SUSD2: variants seen among roughly 807,000 people sequenced by gnomAD.
SUSD2 encodes sushi domain containing 2.
Under a neutral mutation model 93.8 loss-of-function variants are expected in SUSD2, and 86 were observed. The ratio of observed to expected loss-of-function variants is 0.92; its 90% confidence interval spans 0.77 to 1.10. The LOEUF (loss-of-function observed/expected upper bound fraction) is 1.10. Ranked by LOEUF, SUSD2 falls within the 50% of genes least tolerant of loss-of-function variation. The pLI, the probability that SUSD2 is intolerant of heterozygous loss-of-function variation, is 0.00. For synonymous variants in SUSD2, 483 were observed against 485.0 expected, an observed-to-expected ratio of 1.00 and a Z score of 0.05; for missense variants, 1,060 against 1,137.0, an observed-to-expected ratio of 0.93 and a Z score of 0.97.
chr22:24,185,511 AG>A lies in SUSD2; in HGVS notation c.1013del (p.Gly338AlafsTer39). 1 of 1,572,916 alleles carries A rather than the reference AG, an allele frequency of 6.4e-7. No individual in the cohort carries two copies. The highest frequency in any genetic ancestry group is 8.6e-7 in the Non-Finnish European group (1 of 1,159,082). On this transcript the variant is annotated frameshift_variant, in exon 7 of 15. Transcript: ENST00000358321. LOFTEE classifies it high-confidence loss of function. ...ACGGACTACGGCTGTGACATGGAGC[AG>A]GGCAGCGTGTGCACCTACCACCCCG... ...FFTDYGCDME[Q>X]GSVCTYHPGA...
In SUSD2 at chr22:24,188,611, C is replaced by A. The variant is rs1278886988; in HGVS notation, c.*175C>A. 3 of 625,736 alleles carry A rather than the reference C, an allele frequency of 4.8e-6. No individual in the cohort carries two copies. The highest frequency in any genetic ancestry group is 5.5e-5 in the East Asian group (2 of 36,130). The allele number at this position is 625,736 out of a possible 1,614,324, so 38.8% of individuals were successfully genotyped here. On this transcript the variant is annotated 3_prime_UTR_variant, in exon 15 of 15. Transcript: ENST00000358321. The surrounding 1 kb of genome is among the most constrained non-coding windows in gnomAD (Gnocchi z 4.7). ...AGGCAGGAGGCCCAGTGTTCCAACA[C>A]CCAAGCCCCGTGCTAGCAGCGCTCC... is the stretch of plus-strand genomic sequence containing the variant.
rs2047366432 is a variant in SUSD2 at position 24,186,328 on chromosome 22, A to G, written c.1555A>G (p.Arg519Gly). The change falls in exon 10 of 15, where the codon AGG becomes GGG. Residue 519 changes from arginine to glycine, a missense_variant. By Grantham distance (125) the Arg-to-Gly change is moderately radical. Transcript: ENST00000358321. Reference protein sequence around the residue: ...QEGNSDVVEVRLANRTGGLEV... With the variant: ...QEGNSDVVEVGLANRTGGLEV... ...GGGCAACTCAGATGTGGTGGAAGTCAGGCTGGCCAACAGGACCGGAGGTCT... is the reference window on the plus strand; with the variant it reads ...GGGCAACTCAGATGTGGTGGAAGTCGGGCTGGCCAACAGGACCGGAGGTCT... The G allele has an allele frequency of 6.2e-7, 1 of 1,613,996 alleles. No homozygotes were observed. Among genetic ancestry groups the G allele is most frequent in the Non-Finnish European group, 8.5e-7 (1 of 1,180,046 alleles).
At chr22:24,184,107 C>A in intron 3 of SUSD2, 29 bp from the exon 4 acceptor site, 1 of 1,610,216 alleles carries the variant, frequency 6.2e-7, no homozygotes, top group Non-Finnish European at 8.5e-7. Context: ...GGCCCAGGCC[C>A]TCACTCACCC....
chr22:24,188,833 A>T lies in SUSD2; in HGVS notation c.*397A>T, dbSNP rs999411682. ...CCAATACCTCACTCCCCAGAGCCTG[A>T]TGCCGGGGCCCCTGACCCCTGATCT... is the stretch of plus-strand genomic sequence containing the variant. On this transcript the variant is annotated 3_prime_UTR_variant, in exon 15 of 15. Transcript: ENST00000358321. This position sits in a 1 kb window ranked among gnomAD's most constrained non-coding sequence, Gnocchi z 4.7. 1 of 195,984 alleles carries T rather than the reference A, an allele frequency of 5.1e-6. No homozygotes were observed. Among genetic ancestry groups the T allele is most frequent in the Non-Finnish European group, 1.1e-5 (1 of 94,498 alleles). 12.1% of individuals were successfully genotyped at this position (195,984 alleles called of 1,614,324 possible). A position where few individuals can be genotyped will look rare whatever the true frequency, so the allele number is the denominator to read the frequency against.
intron 10 of SUSD2, chr22:24,186,725 T>G: frequency 2.2e-6 from 1 of 450,058 alleles, no homozygotes; most frequent in Non-Finnish European, 4.0e-6. Flanking sequence ...TGTCACTCCC[T>G]CAGTCCTCAA....
At chr22:24,183,469 C>A in intron 2 of SUSD2, 26 bp from the exon 3 acceptor site, 1 of 1,600,732 alleles carries the variant, frequency 6.2e-7, no homozygotes, top group Non-Finnish European at 8.5e-7. Context: ...ATGACCCAGC[C>A]CCTCCCACCA....
chr22:24,186,451 C>T, intron 10 of SUSD2, 36 bp downstream of exon 10: 1 of 1,604,462 alleles, frequency 6.2e-7, no homozygotes, highest in Non-Finnish European at 8.5e-7. Context: ...GCGGGCTGCC[C>T]TCACCTCCTC....
chr22:24,185,619 G>GCCC, intron 7 of SUSD2, 42 bp from the exon 8 acceptor site: 2 of 1,606,560 alleles, frequency 1.2e-6, no homozygotes, highest in Non-Finnish European at 1.7e-6. Flanking sequence ...TCAGGGGTGG[G>GCCC]CTCCCAACAG....
rs751164634 is a variant in SUSD2, at chr22:24,188,152, C to G, written c.2341+17C>G. The G allele has an allele frequency of 6.5e-5, 105 of 1,607,938 alleles. No homozygotes were observed. Among genetic ancestry groups the G allele is most frequent in the Non-Finnish European group, 8.2e-5 (96 of 1,176,378 alleles). On this transcript the variant is annotated intron_variant, in intron 13 of 14. Transcript: ENST00000358321. The surrounding 1 kb of genome is among the most constrained non-coding windows in gnomAD (Gnocchi z 4.7). The stretch of plus-strand genomic sequence containing the variant: ...GCCAGCCAGGTGAGGACACTCTGCT[C>G]ATACACCTGCCTGCACCTGTCCCCA...
Position 24,187,677 on chromosome 22 carries a change from C to T in SUSD2, c.1998C>T (p.Pro666=), listed in dbSNP as rs778108383. 6.2e-7 allele frequency: 1 copy of T among 1,614,134 alleles called. No homozygotes were observed. Among genetic ancestry groups the T allele is most frequent in the Admixed American group, 1.7e-5 (1 of 60,032 alleles). ...KHDPTFEPLF[P]SETTLNPSLA... Reference sequence around the variant, plus strand: ...ACCCCACCTTCGAGCCCCTCTTCCCCAGTGAGACCACCCTCAACCCCAGCC... The same window carrying T: ...ACCCCACCTTCGAGCCCCTCTTCCCTAGTGAGACCACCCTCAACCCCAGCC... Residue 666 remains proline (P), a synonymous_variant, in exon 12 of 15, where the codon CCC becomes CCT. Transcript: ENST00000358321.
At chr22:24,187,114 C>A in intron 10 of SUSD2, 88 bp from the exon 11 acceptor site, 1 of 1,529,232 alleles carries the variant, frequency 6.5e-7, no homozygotes, top group South Asian at 1.2e-5. Context: ...ACCCACAGCC[C>A]CTGGGTGCCG....
At chr22:24,187,886 A>AC (rs1451549986) in intron 12 of SUSD2, 43 bp downstream of exon 12, 4 of 1,600,478 alleles carry the variant, frequency 2.5e-6, no homozygotes, top group African/African-American at 1.3e-5. Flanking sequence ...CTGGGACAGG[A>AC]CCCCCCGGGG....
Position 24,188,525 on chromosome 22 carries a change from C to A in SUSD2, c.*89C>A. Reference sequence around the variant, plus strand: ...ACTCCCGCATCCCCAGGACCAGACACCTGGGACCTGGATACTTGATACCTG... The same window carrying A: ...ACTCCCGCATCCCCAGGACCAGACAACTGGGACCTGGATACTTGATACCTG... On this transcript the variant is annotated 3_prime_UTR_variant, in exon 15 of 15. Coordinates refer to ENST00000358321, the MANE Select transcript of SUSD2 (RefSeq NM_019601.4). This position sits in a 1 kb window ranked among gnomAD's most constrained non-coding sequence, Gnocchi z 4.7. 3 of 1,275,024 alleles carry A rather than the reference C, an allele frequency of 2.4e-6. No homozygotes were observed. Among genetic ancestry groups the A allele is most frequent in the Non-Finnish European group, 3.4e-6 (3 of 895,146 alleles). 79.0% of individuals were successfully genotyped at this position (1,275,024 alleles called of 1,614,324 possible).
At chr22:24,181,733 A>C (rs745871387) in intron 1 of SUSD2, 138 bp downstream of exon 1, 10 of 675,972 alleles carry the variant, frequency 1.5e-5, no homozygotes, top group Non-Finnish European at 2.1e-5. Flanking sequence ...ATGGGAAGAA[A>C]TTCTGAGGGT....
At chr22:24,185,373 C>G (rs2047354988) in intron 6 of SUSD2, 78 bp downstream of exon 6, 1 of 1,548,650 alleles carries the variant, frequency 6.5e-7, no homozygotes, top group Non-Finnish European at 8.7e-7. Context: ...GGGAGGCAGA[C>G]AGAGGTGTCC....
At position 24,187,184 on chromosome 22, in the gene SUSD2, C is replaced by G; in HGVS notation, c.1643-18C>G. The G allele has an allele frequency of 6.2e-7, 1 of 1,607,996 alleles. No homozygotes were observed. Among genetic ancestry groups the G allele is most frequent in the Middle Eastern group, 1.8e-4 (1 of 5,714 alleles). On this transcript the variant is annotated intron_variant, in intron 10 of 14. Coordinates refer to ENST00000358321, the MANE Select transcript of SUSD2 (RefSeq NM_019601.4). ...ATGCTCACAGCGGGTGACCCTAATG[C>G]ATCCCCCTTGAGCCCAGGAATGTTC...
In SUSD2 at chr22:24,186,282, G is replaced by A. The variant is rs1668669767; in HGVS notation, c.1509G>A (p.Leu503=). Residue 503 remains leucine (L), a synonymous_variant, in exon 10 of 15, where the codon CTG becomes CTA. Coordinates refer to ENST00000358321, the MANE Select transcript of SUSD2 (RefSeq NM_019601.4). ...SNGTETRGTG[L]TAVAVQEGNS... is the part of the protein sequence containing the mutation. ...GCACGGAGACCCGTGGCACTGGGCT[G>A]ACCGCAGTGGCCGTCCAGGAGGGCA... 1 of 1,613,718 alleles carries A rather than the reference G, an allele frequency of 6.2e-7. No individual in the cohort carries two copies. The highest frequency in any genetic ancestry group is 8.5e-7 in the Non-Finnish European group (1 of 1,180,022).
rs1213644756 is a variant in SUSD2 at position 24,188,133 on chromosome 22, C to T, written c.2339C>T (p.Pro780Leu). ...TCCTCACCCACCCCGAAGTGCCAGC[C>T]AGGTGAGGACACTCTGCTCATACAC... Reference protein sequence around the residue: ...TWSSPTPKCQPGRSYAVLLGI... With the variant: ...TWSSPTPKCQLGRSYAVLLGI... The change falls in exon 13 of 15, where the codon CCA becomes CTA. Residue 780 changes from proline (P) to leucine (L), a missense_variant and splice_region_variant. This residue lies in a region of SUSD2 where 973 missense variants were observed against 1,005.3 expected (regional missense o/e 0.97). Coordinates refer to ENST00000358321, the MANE Select transcript of SUSD2 (RefSeq NM_019601.4). This position sits in a 1 kb window ranked among gnomAD's most constrained non-coding sequence, Gnocchi z 4.7. 3 of 1,611,660 alleles carry T rather than the reference C, an allele frequency of 1.9e-6. No individual in the cohort carries two copies. In the Admixed American group the frequency reaches 5.0e-5, roughly 27 times the overall value.
intron 3 of SUSD2, 118 bp downstream of exon 3, chr22:24,183,764 G>C (rs1667026124): frequency 8.4e-7 from 1 of 1,197,202 alleles, no homozygotes; most frequent in Admixed American, 2.5e-5. Flanking sequence ...CAGTCCCTTG[G>C]GAGGCCTGCC....
Sources: gnomAD v4.1 joint callset for allele counts on GRCh38, gnomAD v4.1.1 for gene constraint, gnomAD v4.1.1 regional missense constraint, Gnocchi (gnomAD v3.1) non-coding constraint, MANE v1.5 for transcripts, NCBI Gene and HGNC (gene_info 2026-07-23, HGNC 2026-07-21) for gene names.